Variants in PLCB1 observed in about 807,000 individuals in gnomAD.
PLCB1 encodes 1-phosphatidylinositol 4,5-bisphosphate phosphodiesterase beta-1.
In PLCB1, 46 loss-of-function variants were observed where a neutral mutation model predicts 161.8. The ratio of observed to expected loss-of-function variants is 0.28; its 90% confidence interval spans 0.22 to 0.36. The LOEUF (loss-of-function observed/expected upper bound fraction) is 0.36, where lower values mean the gene tolerates loss of function less well. Among genes scored for constraint, PLCB1 ranks in the 10% least tolerant of loss-of-function variants. The pLI is 1.00. For synonymous variants in PLCB1, 517 were observed against 503.7 expected, an observed-to-expected ratio of 1.03 and a Z score of -0.35; for missense variants, 1,016 against 1,472.5, an observed-to-expected ratio of 0.69 and a Z score of 5.07.
At chr20:8,522,124 A>G (rs1460832189) in intron 3 of PLCB1, among the ~76,000 whole-genome samples, 1 of 152,170 alleles carries the variant, frequency 6.6e-6, no homozygotes, top group Non-Finnish European at 1.5e-5. Context: ...GCTGGTATGC[A>G]AGGACTCTCT....
intron 2 of PLCB1, among the ~76,000 whole-genome samples, chr20:8,201,389 G>T (rs1262315065): frequency 2.0e-5 from 3 of 151,592 alleles, no homozygotes; most frequent in Admixed American, 1.3e-4. Context: ...ATCAAAATAG[G>T]GTTATACAAT....
intron 23 of PLCB1, among the ~76,000 whole-genome samples, chr20:8,744,331 T>C (rs897749896): frequency 3.9e-5 from 6 of 152,190 alleles, no homozygotes; most frequent in African/African-American, 1.4e-4. Flanking sequence ...TAGTTAGCCA[T>C]TGTCTCTAAG....
intron 2 of PLCB1, among the ~76,000 whole-genome samples, chr20:8,324,662 A>C (rs1040680079): frequency 6.6e-5 from 10 of 152,226 alleles, no homozygotes; most frequent in Non-Finnish European, 1.5e-4. Context: ...TTGAAAGAGA[A>C]TAAGACCATT....
chr20:8,351,036 A>T (rs1408932138), intron 2 of PLCB1, among the ~76,000 whole-genome samples: 1 of 152,156 alleles, frequency 6.6e-6, no homozygotes, highest in African/African-American at 2.4e-5. Flanking sequence ...AAGAACTGAG[A>T]TTAGCTAATA....
At chr20:8,292,276 T>G (rs2745789) in intron 2 of PLCB1, among the ~76,000 whole-genome samples, 2,063 of 152,238 alleles carry the variant, frequency 0.014, 44 homozygotes, top group African/African-American at 0.046. Flanking sequence ...GATTCCTTTC[T>G]AGTTACACAT....
intron 3 of PLCB1, among the ~76,000 whole-genome samples, chr20:8,445,184 G>C (rs1450792759): frequency 6.6e-6 from 1 of 151,902 alleles, no homozygotes; most frequent in Admixed American, 6.6e-5. Context: ...TTTTAGGTCT[G>C]ACATTTAAGT....
At chr20:8,295,132 C>G (rs986972916) in intron 2 of PLCB1, among the ~76,000 whole-genome samples, 1 of 152,086 alleles carries the variant, frequency 6.6e-6, no homozygotes, top group African/African-American at 2.4e-5. Context: ...ACATTTAACA[C>G]AGAATTTTAA....
chr20:8,822,534 A>G (rs1160220466), intron 31 of PLCB1, among the ~76,000 whole-genome samples: 1 of 152,202 alleles, frequency 6.6e-6, no homozygotes, highest in East Asian at 1.9e-4. Context: ...AGTGATACCT[A>G]AAGCCAGTGT....
At chr20:8,179,414 A>G (rs6055600) in intron 2 of PLCB1, among the ~76,000 whole-genome samples, 1 of 152,048 alleles carries the variant, frequency 6.6e-6, no homozygotes, top group South Asian at 2.1e-4. Context: ...ATGGGATTGC[A>G]TTATTTATTT....
chr20:8,825,223 AT>A (rs1184197799), intron 31 of PLCB1, among the ~76,000 whole-genome samples: 1 of 152,236 alleles, frequency 6.6e-6, no homozygotes, highest in Non-Finnish European at 1.5e-5. Flanking sequence ...CAATAAACAA[AT>A]GATCTCCTGA....
intron 2 of PLCB1, among the ~76,000 whole-genome samples, chr20:8,250,714 A>G (rs1325961191): frequency 2.6e-5 from 4 of 151,968 alleles, no homozygotes; most frequent in Non-Finnish European, 5.9e-5. Context: ...CCCCAACAAT[A>G]TAACAGAGAC....
At chr20:8,688,762 T>C (rs533154863) in intron 10 of PLCB1, among the ~76,000 whole-genome samples, 1 of 152,360 alleles carries the variant, frequency 6.6e-6, no homozygotes, top group African/African-American at 2.4e-5. Flanking sequence ...AGAGTATAGT[T>C]TGAAATCAGG....
At chr20:8,618,972 A>G (rs1988104585) in intron 3 of PLCB1, among the ~76,000 whole-genome samples, 2 of 152,232 alleles carry the variant, frequency 1.3e-5, no homozygotes, top group Non-Finnish European at 2.9e-5. Context: ...TGAAAATCAA[A>G]TAGTATTTAC....
intron 2 of PLCB1, among the ~76,000 whole-genome samples, chr20:8,215,285 A>G (rs1206387880): frequency 6.6e-6 from 1 of 152,086 alleles, no homozygotes; most frequent in East Asian, 1.9e-4. Flanking sequence ...GTTAATCTCA[A>G]AAGGCCGTAA....
intron 3 of PLCB1, among the ~76,000 whole-genome samples, chr20:8,512,269 A>G (rs1054868495): frequency 1.3e-5 from 2 of 152,208 alleles, no homozygotes; most frequent in African/African-American, 4.8e-5. Context: ...CTGTGTAAAC[A>G]AGCTTTAAAT....
At chr20:8,160,386 A>G (rs910007801) in intron 2 of PLCB1, among the ~76,000 whole-genome samples, 1 of 152,138 alleles carries the variant, frequency 6.6e-6, no homozygotes, top group African/African-American at 2.4e-5. Context: ...GGTACAATTT[A>G]CTGTATTAGG....
intron 14 of PLCB1, among the ~76,000 whole-genome samples, chr20:8,720,454 G>C (rs1979563099): frequency 6.6e-6 from 1 of 152,180 alleles, no homozygotes; most frequent in Admixed American, 6.5e-5. Context: ...GTTCGTAGAT[G>C]TTCACAGTAC....
intron 3 of PLCB1, among the ~76,000 whole-genome samples, chr20:8,402,609 C>T (rs1047199352): frequency 1.8e-4 from 27 of 150,624 alleles, no homozygotes; most frequent in East Asian, 5.9e-4. Flanking sequence ...CCGAGGCAGG[C>T]GGATCACAAG....
intron 2 of PLCB1, among the ~76,000 whole-genome samples, chr20:8,189,230 T>C (rs776847605): frequency 1.3e-5 from 2 of 151,556 alleles, no homozygotes; most frequent in Non-Finnish European, 2.9e-5. Context: ...GCTAAGTGAA[T>C]AGCTATAGCT....
Sources: allele counts gnomAD v4.1 joint callset (sites outside exome capture counted in the v4.1 genomes callset), GRCh38; gene constraint gnomAD v4.1.1; transcripts MANE v1.5; gene names NCBI Gene and HGNC (gene_info 2026-07-23, HGNC 2026-07-21).